The following SYT9 variants were observed in gnomAD, a reference collection of about 807,000 sequenced individuals.
SYT9 encodes synaptotagmin 9.
In SYT9, 22 loss-of-function variants were observed where a neutral mutation model predicts 48.4. The observed-to-expected ratio is 0.45, with a 90% CI of 0.32 to 0.65. SYT9 has a LOEUF of 0.65. Among genes scored for constraint, SYT9 ranks in the 30% least tolerant of loss-of-function variants. SYT9 has a pLI of 0.03. For missense variants in SYT9, 577 were observed against 622.0 expected (o/e 0.93, Z 0.77); for synonymous variants, 265 against 245.0 (o/e 1.08, Z -0.76).
intron 6 of SYT9, chr11:7,435,091 G>A (rs563674095): frequency 2.6e-5 from 4 of 152,268 alleles, no homozygotes; most frequent in Non-Finnish European, 5.9e-5. Flanking sequence ...GAAAATCAAG[G>A]TTCCCGCCAT....
chr11:7,270,231 G>C (rs1162439860), intron 1 of SYT9, among the ~76,000 whole-genome samples: 1 of 151,958 alleles, frequency 6.6e-6, no homozygotes, highest in Non-Finnish European at 1.5e-5. Flanking sequence ...TTAGCAAGAA[G>C]GTACATTTTT....
intron 1 of SYT9, among the ~76,000 whole-genome samples, chr11:7,283,493 A>G (rs1428006181): frequency 5.3e-5 from 8 of 152,170 alleles, no homozygotes; most frequent in Admixed American, 5.2e-4. Flanking sequence ...AGCCAACACA[A>G]AAATATAATC....
intron 6 of SYT9, among the ~76,000 whole-genome samples, chr11:7,452,097 TTAA>T (rs199999730): frequency 0.11 from 16,152 of 149,100 alleles, 1,010 homozygotes; most frequent in Non-Finnish European, 0.13. Flanking sequence ...ACTGACAGCA[TTAA>T]TAGAGGTTTA....
chr11:7,311,983 AT>A (rs1204006406), intron 2 of SYT9, among the ~76,000 whole-genome samples: 1 of 143,078 alleles, frequency 7.0e-6, no homozygotes, highest in Non-Finnish European at 1.5e-5. Flanking sequence ...AAGAGTGTGG[AT>A]TTCTCTAAAA....
intron 3 of SYT9, among the ~76,000 whole-genome samples, chr11:7,369,577 G>C (rs1302332522): frequency 6.6e-6 from 1 of 152,012 alleles, no homozygotes. Context: ...GAATGGTATT[G>C]TCTACGTTTT....
At chr11:7,255,737 T>A (rs116566860) in intron 1 of SYT9, among the ~76,000 whole-genome samples, 236 of 152,078 alleles carry the variant, frequency 1.6e-3, no homozygotes, top group African/African-American at 5.4e-3. Context: ...AAGGTAGGGG[T>A]GAGGAGGGAA....
At chr11:7,263,243 C>T (rs1848112551) in intron 1 of SYT9, among the ~76,000 whole-genome samples, 3 of 151,974 alleles carry the variant, frequency 2.0e-5, no homozygotes. Context: ...CTAGAAAGTC[C>T]AAGAGCAAGG....
chr11:7,336,515 T>A (rs377706913), intron 3 of SYT9, among the ~76,000 whole-genome samples: 50 of 152,326 alleles, frequency 3.3e-4, no homozygotes, highest in African/African-American at 1.1e-3. Context: ...TTAATTTTTG[T>A]ATATGGTGTA....
intron 6 of SYT9, among the ~76,000 whole-genome samples, chr11:7,452,542 C>A (rs1191827911): frequency 6.6e-6 from 1 of 152,214 alleles, no homozygotes; most frequent in African/African-American, 2.4e-5. Flanking sequence ...ACTGGGGTTT[C>A]CACATGTTGC....
intron 2 of SYT9, among the ~76,000 whole-genome samples, chr11:7,304,185 T>G (rs986649295): frequency 3.9e-5 from 6 of 152,242 alleles, no homozygotes; most frequent in African/African-American, 1.4e-4. Flanking sequence ...AATGAAATGA[T>G]GACATGTGCT....
intron 1 of SYT9, among the ~76,000 whole-genome samples, chr11:7,266,063 A>T (rs1848174887): frequency 6.6e-6 from 1 of 152,116 alleles, no homozygotes; most frequent in African/African-American, 2.4e-5. Flanking sequence ...CTTGGGATTC[A>T]GAGGATCCCA....
At chr11:7,375,484 T>C (rs1284606108) in intron 3 of SYT9, among the ~76,000 whole-genome samples, 1 of 152,226 alleles carries the variant, frequency 6.6e-6, no homozygotes, top group Non-Finnish European at 1.5e-5. Flanking sequence ...GGGATGGCAT[T>C]GAATCTCTAA....
chr11:7,295,455 G>A (rs1589921768), intron 1 of SYT9, among the ~76,000 whole-genome samples: 1 of 152,240 alleles, frequency 6.6e-6, no homozygotes, highest in South Asian at 2.1e-4. Flanking sequence ...TTATCAGAAT[G>A]GTCTTTACTG....
At chr11:7,418,569 C>A (rs1330906512) in intron 5 of SYT9, among the ~76,000 whole-genome samples, 2 of 152,204 alleles carry the variant, frequency 1.3e-5, no homozygotes, top group Non-Finnish European at 2.9e-5. Flanking sequence ...TACATAACTT[C>A]AATCTTTTTC....
At chr11:7,303,961 C>A (rs1331211973) in intron 2 of SYT9, among the ~76,000 whole-genome samples, 1 of 152,218 alleles carries the variant, frequency 6.6e-6, no homozygotes, top group Non-Finnish European at 1.5e-5. Flanking sequence ...AGTACCGATA[C>A]CTAGGTCACT....
At chr11:7,450,836 T>C (rs548540101) in intron 6 of SYT9, among the ~76,000 whole-genome samples, 14 of 152,294 alleles carry the variant, frequency 9.2e-5, no homozygotes, top group South Asian at 2.1e-4. Context: ...CAACCTCACA[T>C]CTGTGCTGGT....
intron 6 of SYT9, among the ~76,000 whole-genome samples, chr11:7,453,009 C>T (rs780539354): frequency 5.3e-5 from 8 of 151,986 alleles, no homozygotes; most frequent in African/African-American, 9.7e-5. Context: ...CCCGAACTCC[C>T]GACCTGAGAT....
intron 6 of SYT9, among the ~76,000 whole-genome samples, chr11:7,466,225 A>C (rs4337015): frequency 0.22 from 32,752 of 151,948 alleles, 4,605 homozygotes; most frequent in African/African-American, 0.41. Flanking sequence ...AAGACTCATC[A>C]ATCAGAATGC....
chr11:7,285,892 G>A (rs192104735), intron 1 of SYT9, among the ~76,000 whole-genome samples: 1 of 152,362 alleles, frequency 6.6e-6, no homozygotes, highest in East Asian at 1.9e-4. Context: ...ATATTTCACA[G>A]GTCATGCTGA....
Sources: gnomAD v4.1 joint callset for allele counts (sites outside exome capture counted in the v4.1 genomes callset) on GRCh38, gnomAD v4.1.1 for gene constraint, MANE v1.5 for transcripts, NCBI Gene and HGNC (gene_info 2026-07-23, HGNC 2026-07-21) for gene names.